OSBPL8: variants seen among roughly 807,000 people sequenced by gnomAD.
The protein encoded by OSBPL8 is oxysterol binding protein like 8, also known as oxysterol-binding protein-related protein 8.
Under a neutral mutation model 125.5 loss-of-function variants are expected in OSBPL8, and 59 were observed. That is an observed-to-expected ratio of 0.47 (90% CI 0.38 to 0.58). OSBPL8 has a LOEUF of 0.58. Among genes scored for constraint, OSBPL8 ranks in the 20% least tolerant of loss-of-function variants. The pLI is 0.00. For missense variants in OSBPL8, 758 were observed against 1,047.8 expected (o/e 0.72, Z 3.82); for synonymous variants, 330 against 338.9 (o/e 0.97, Z 0.29).
chr12:76,471,858 C>A (rs1437108178), intron 2 of OSBPL8, among the ~76,000 whole-genome samples: 1 of 152,220 alleles, frequency 6.6e-6, no homozygotes, highest in African/African-American at 2.4e-5. Flanking sequence ...GCTCCTTTTG[C>A]CTACAATGCC....
chr12:76,490,419 G>A (rs1007385263), intron 1 of OSBPL8, among the ~76,000 whole-genome samples: 1 of 152,228 alleles, frequency 6.6e-6, no homozygotes, highest in South Asian at 2.1e-4. Flanking sequence ...AGCCCGAAGA[G>A]AGGAGAAGCT....
chr12:76,545,307 T>G (rs989047514), intron 1 of OSBPL8, among the ~76,000 whole-genome samples: 1 of 152,204 alleles, frequency 6.6e-6, no homozygotes, highest in Non-Finnish European at 1.5e-5. Flanking sequence ...ATTTTGACCA[T>G]TTTCTTGAAA....
intron 1 of OSBPL8, among the ~76,000 whole-genome samples, chr12:76,548,990 T>A (rs1950862368): frequency 6.6e-6 from 1 of 151,948 alleles, no homozygotes; most frequent in South Asian, 2.1e-4. Context: ...AATTTGCACA[T>A]TCTAAGACTC....
At chr12:76,366,515 A>AT (rs1565828381) in intron 21 of OSBPL8, 1 of 382,670 alleles carries the variant, frequency 2.6e-6, no homozygotes, top group Admixed American at 3.4e-5. Flanking sequence ...CACAAATTCT[A>AT]TTTTTTTCCT....
At chr12:76,550,614 T>G (rs944373877) in intron 1 of OSBPL8, among the ~76,000 whole-genome samples, 2 of 152,204 alleles carry the variant, frequency 1.3e-5, no homozygotes, top group Non-Finnish European at 2.9e-5. Flanking sequence ...AATCTCCTTA[T>G]GTTTTAAGAA....
intron 4 of OSBPL8, among the ~76,000 whole-genome samples, chr12:76,435,170 G>A (rs193195651): frequency 2.6e-4 from 39 of 150,398 alleles, no homozygotes; most frequent in Admixed American, 1.6e-3. Flanking sequence ...GTGTGTGTGT[G>A]TGTGTGTGTG....
intron 10 of OSBPL8, among the ~76,000 whole-genome samples, chr12:76,391,894 T>C (rs1555212477): frequency 6.6e-6 from 1 of 151,982 alleles, no homozygotes; most frequent in African/African-American, 2.4e-5. Flanking sequence ...GCAACCTCAA[T>C]GCTGATGAAA....
In OSBPL8 at chr12:76,378,548, T is replaced by A; in HGVS notation, c.1633A>T (p.Asn545Tyr). Reference sequence around the variant, plus strand: ...CCCTCTAATATTGCAGATAATGAGTTTCCTGAAATAAAATGTTGTTTATTA... The same window carrying A: ...CCCTCTAATATTGCAGATAATGAGTATCCTGAAATAAAATGTTGTTTATTA... The part of the protein sequence containing the change: ...SILAKSKFYG[N>Y]SLSAILEGEA... The change falls in exon 16 of 24, where the codon AAC (asparagine) becomes TAC (tyrosine). Residue 545 changes from asparagine (N) to tyrosine (Y), a missense_variant and splice_region_variant. Physicochemically the swap from Asn to Tyr is moderately radical, Grantham distance 143. Around this residue, in one of 3 missense-constraint regions of OSBPL8, gnomAD observed 572 missense variants for 762.0 expected, o/e 0.75. Coordinates refer to ENST00000261183, the MANE Select transcript of OSBPL8 (RefSeq NM_020841.5). The A allele has an allele frequency of 6.3e-7, 1 of 1,574,860 alleles. No individual in the cohort carries two copies. Among genetic ancestry groups the A allele is most frequent in the Non-Finnish European group, 8.7e-7 (1 of 1,154,780 alleles).
intron 8 of OSBPL8, among the ~76,000 whole-genome samples, chr12:76,397,003 C>G (rs1237502312): frequency 6.6e-6 from 1 of 151,760 alleles, no homozygotes; most frequent in Non-Finnish European, 1.5e-5. Flanking sequence ...TTTGCAGAGA[C>G]AGGGTTTCAC....
At chr12:76,393,698 G>A (rs1470930711) in intron 9 of OSBPL8, among the ~76,000 whole-genome samples, 3 of 86,934 alleles carry the variant, frequency 3.5e-5, no homozygotes, top group South Asian at 4.6e-4. Flanking sequence ...GCGACAGAGT[G>A]AGACTCCGTT....
At chr12:76,519,415 T>C (rs1881857301) in intron 1 of OSBPL8, among the ~76,000 whole-genome samples, 1 of 152,164 alleles carries the variant, frequency 6.6e-6, no homozygotes, top group Non-Finnish European at 1.5e-5. Context: ...ATCCAGTATC[T>C]AAGAAATTCC....
At chr12:76,436,374 A>G (rs1007839126) in intron 4 of OSBPL8, among the ~76,000 whole-genome samples, 2 of 152,152 alleles carry the variant, frequency 1.3e-5, no homozygotes, top group Non-Finnish European at 2.9e-5. Flanking sequence ...GAATTTTCAC[A>G]TCTTTAGCAT....
chr12:76,528,445 A>T (rs982597270), intron 1 of OSBPL8, among the ~76,000 whole-genome samples: 1 of 151,988 alleles, frequency 6.6e-6, no homozygotes, highest in African/African-American at 2.4e-5. Context: ...GATTACCAGA[A>T]TTTTTTCTAT....
intron 18 of OSBPL8, chr12:76,371,974 C>T (rs929826070): frequency 6.5e-6 from 1 of 154,972 alleles, no homozygotes; most frequent in Admixed American, 6.4e-5. Context: ...CTCAAACATA[C>T]ACACACACAC....
At chr12:76,535,170 T>G (rs1425538075) in intron 1 of OSBPL8, among the ~76,000 whole-genome samples, 1 of 152,076 alleles carries the variant, frequency 6.6e-6, no homozygotes, top group African/African-American at 2.4e-5. Flanking sequence ...TAAAAAGTTT[T>G]TAAAAAAGGC....
chr12:76,451,359 G>T (rs968455914), intron 3 of OSBPL8, among the ~76,000 whole-genome samples: 1 of 150,764 alleles, frequency 6.6e-6, no homozygotes, highest in African/African-American at 2.4e-5. Flanking sequence ...AATACAAATC[G>T]TCGATAAACA....
chr12:76,406,187 A>G (rs1419697898), intron 5 of OSBPL8, among the ~76,000 whole-genome samples: 1 of 152,216 alleles, frequency 6.6e-6, no homozygotes, highest in East Asian at 1.9e-4. Context: ...ATAATGGGGC[A>G]TTTATTTATG....
chr12:76,515,458 C>A (rs916967555), intron 1 of OSBPL8, among the ~76,000 whole-genome samples: 1 of 152,144 alleles, frequency 6.6e-6, no homozygotes, highest in Non-Finnish European at 1.5e-5. Context: ...GGACTGCGAT[C>A]CAGCAGGTGG....
intron 4 of OSBPL8, among the ~76,000 whole-genome samples, chr12:76,411,388 G>T (rs565000620): frequency 6.6e-6 from 1 of 151,924 alleles, no homozygotes; most frequent in African/African-American, 2.4e-5. Flanking sequence ...TTTGAGGACA[G>T]GTACTATTAA....
Sources: gnomAD v4.1 joint callset for allele counts (sites outside exome capture counted in the v4.1 genomes callset) on GRCh38, gnomAD v4.1.1 for gene constraint, gnomAD v4.1.1 regional missense constraint, MANE v1.5 for transcripts, NCBI Gene and HGNC (gene_info 2026-07-23, HGNC 2026-07-21) for gene names.